GRIN2B: variants seen among roughly 807,000 people sequenced by gnomAD.
GRIN2B encodes glutamate receptor ionotropic, NMDA 2B.
A neutral mutation model predicts 114.5 loss-of-function variants in GRIN2B; 5 were observed. The ratio of observed to expected loss-of-function variants is 0.04; its 90% CI spans 0.02 to 0.09. GRIN2B has a LOEUF of 0.09. Among genes scored for constraint, GRIN2B ranks in the 10% least tolerant of loss-of-function variants. GRIN2B has a pLI of 1.00. For missense variants in GRIN2B, 1,108 were observed against 1,943.5 expected (o/e 0.57, Z 8.08); for synonymous variants, 787 against 745.1 (o/e 1.06, Z -0.92).
rs1805477 is a variant in GRIN2B at position 13,561,795 on chromosome 12, T to C, written c.*988A>G. The C allele has an allele frequency of 0.91, 138,295 of 152,696 alleles. 64,234 individuals are homozygous for C. Among genetic ancestry groups the C allele is most frequent in the East Asian group, 1 (5,168 of 5,168 alleles). 9.5% of individuals were successfully genotyped at this position (152,696 alleles called of 1,614,324 possible). On this transcript the variant is annotated 3_prime_UTR_variant, in exon 14 of 14. Coordinates refer to ENST00000609686, the MANE Select transcript of GRIN2B (RefSeq NM_000834.5). ...ACTGAGGACTTGTTTATGTACCTTG[T>C]TCTTGCAGGATTGCTCACCGCCTTT...
chr12:13,604,019 C>G (rs1425796241), intron 10 of GRIN2B, among the ~76,000 whole-genome samples: 1 of 152,136 alleles, frequency 6.6e-6, no homozygotes, highest in Non-Finnish European at 1.5e-5. Flanking sequence ...GTCCCCCTCC[C>G]TCACTGGCCA....
chr12:13,920,101 G>GA (rs1866797446), intron 2 of GRIN2B, among the ~76,000 whole-genome samples: 1 of 151,770 alleles, frequency 6.6e-6, no homozygotes, highest in East Asian at 1.9e-4. Context: ...CCTCCTCACT[G>GA]AAAAAAAGGA....
chr12:13,811,764 C>T (rs1283955131), intron 3 of GRIN2B, among the ~76,000 whole-genome samples: 1 of 152,182 alleles, frequency 6.6e-6, no homozygotes, highest in African/African-American at 2.4e-5. Flanking sequence ...AGACAACTAA[C>T]ATACTAGCCT....
chr12:13,824,620 C>A (rs541472307), intron 3 of GRIN2B, among the ~76,000 whole-genome samples: 2 of 151,990 alleles, frequency 1.3e-5, no homozygotes, highest in Middle Eastern at 3.4e-3. Context: ...TTTGGGAGGC[C>A]GAGGCAGGCG....
intron 2 of GRIN2B, among the ~76,000 whole-genome samples, chr12:13,935,043 C>A (rs1351888556): frequency 6.6e-6 from 1 of 152,150 alleles, no homozygotes; most frequent in East Asian, 1.9e-4. Context: ...CCCAAGTTTT[C>A]TGAGAATAGA....
chr12:13,939,750 A>G (rs1318959551), intron 2 of GRIN2B, among the ~76,000 whole-genome samples: 2 of 151,916 alleles, frequency 1.3e-5, no homozygotes, highest in Non-Finnish European at 2.9e-5. Context: ...GGGTTTCACC[A>G]TGTTGCCCAG....
intron 3 of GRIN2B, among the ~76,000 whole-genome samples, chr12:13,755,267 A>T (rs1014861436): frequency 2.6e-5 from 4 of 152,178 alleles, no homozygotes; most frequent in Non-Finnish European, 5.9e-5. Flanking sequence ...GCATTTCTTC[A>T]GCACCCCTTA....
At chr12:13,642,771 C>T (rs962569404) in intron 5 of GRIN2B, among the ~76,000 whole-genome samples, 3 of 150,560 alleles carry the variant, frequency 2.0e-5, no homozygotes, top group African/African-American at 5.0e-5. Context: ...CCCCATCTAC[C>T]GATATGATAT....
chr12:13,611,384 C>T (rs1949363920), intron 9 of GRIN2B, among the ~76,000 whole-genome samples: 1 of 152,194 alleles, frequency 6.6e-6, no homozygotes, highest in Non-Finnish European at 1.5e-5. Context: ...TTGTTAGCGA[C>T]ATCTGTTCCA....
At chr12:13,920,767 T>C (rs1461702279) in intron 2 of GRIN2B, among the ~76,000 whole-genome samples, 1 of 152,226 alleles carries the variant, frequency 6.6e-6, no homozygotes, top group African/African-American at 2.4e-5. Context: ...CTTGCCTCAC[T>C]GTAGCCCTTC....
intron 10 of GRIN2B, among the ~76,000 whole-genome samples, chr12:13,575,941 A>G (rs969984739): frequency 6.6e-6 from 1 of 152,204 alleles, no homozygotes; most frequent in East Asian, 1.9e-4. Context: ...AGTTGCTTCT[A>G]TGGAGATGAA....
chr12:13,867,823 C>T (rs1865850330), intron 2 of GRIN2B, among the ~76,000 whole-genome samples: 1 of 151,516 alleles, frequency 6.6e-6, no homozygotes, highest in Non-Finnish European at 1.5e-5. Context: ...AAACCAGATT[C>T]TCATTCTTCT....
rs199688138 is a variant in GRIN2B at position 13,563,314 on chromosome 12, C to T, written c.3924G>A (p.Val1308=). ...LRRQHSYDTF[V]DLQKEEAALA... ...GGGCGGCTTCTTCCTTCTGCAGGTC[C>T]ACGAAGGTGTCGTAGGAGTGCTGCC... Residue 1308 remains valine, a synonymous_variant, in exon 14 of 14, where the codon GTG becomes GTA. Coordinates refer to ENST00000609686, the MANE Select transcript of GRIN2B (RefSeq NM_000834.5). 1.2e-6 allele frequency: 2 copies of T among 1,614,200 alleles called. No individual in the cohort carries two copies. The highest frequency in any genetic ancestry group is 4.5e-5 in the East Asian group (2 of 44,886).
chr12:13,852,239 G>A (rs1865579687), intron 3 of GRIN2B, among the ~76,000 whole-genome samples: 1 of 152,154 alleles, frequency 6.6e-6, no homozygotes, highest in African/African-American at 2.4e-5. Context: ...AGCATTCCCT[G>A]TGATACTCTT....
intron 2 of GRIN2B, among the ~76,000 whole-genome samples, chr12:13,976,226 T>C (rs1863015536): frequency 1.3e-5 from 2 of 152,234 alleles, no homozygotes; most frequent in Admixed American, 1.3e-4. Flanking sequence ...GACTTCCTCT[T>C]GTGGTTGCAA....
chr12:13,584,627 T>C (rs1280922035), intron 10 of GRIN2B, among the ~76,000 whole-genome samples: 1 of 152,228 alleles, frequency 6.6e-6, no homozygotes, highest in African/African-American at 2.4e-5. Context: ...CAAGGACATC[T>C]TTCCTGGCAC....
At chr12:13,864,732 G>A (rs181133402) in intron 3 of GRIN2B, among the ~76,000 whole-genome samples, 11 of 152,330 alleles carry the variant, frequency 7.2e-5, no homozygotes, top group Non-Finnish European at 1.6e-4. Context: ...GTGGCAATTA[G>A]TCATATGACA....
chr12:13,662,767 G>C (rs1808397769), intron 5 of GRIN2B, among the ~76,000 whole-genome samples: 1 of 152,178 alleles, frequency 6.6e-6, no homozygotes, highest in Admixed American at 6.5e-5. Flanking sequence ...AGGTAATTAA[G>C]AATCTTCTGG....
At chr12:13,707,765 T>A (rs1057072768) in intron 4 of GRIN2B, among the ~76,000 whole-genome samples, 1 of 151,770 alleles carries the variant, frequency 6.6e-6, no homozygotes, top group Non-Finnish European at 1.5e-5. Flanking sequence ...GAAAAAAAAA[T>A]TTAACTTAAA....
Sources: gnomAD v4.1 joint callset for allele counts (sites outside exome capture counted in the v4.1 genomes callset) on GRCh38, gnomAD v4.1.1 for gene constraint, MANE v1.5 for transcripts, NCBI Gene and HGNC (gene_info 2026-07-23, HGNC 2026-07-21) for gene names.